The following EPHA3 variants were observed in gnomAD, a reference collection of about 807,000 sequenced individuals.
EPHA3 encodes the protein EPH receptor A3.
In EPHA3, 42 loss-of-function variants were observed where a neutral mutation model predicts 107.1. The observed-to-expected ratio is 0.39, with a 90% CI of 0.31 to 0.51. The LOEUF is 0.51. EPHA3 is among the 20% of genes least tolerant of loss of function. The pLI is 0.78. For synonymous variants in EPHA3, 461 were observed against 424.8 expected, an observed-to-expected ratio of 1.09 and a Z score of -1.05; for missense variants, 1,183 against 1,211.2, an observed-to-expected ratio of 0.98 and a Z score of 0.35.
At chr3:89,168,028 G>A (rs1367367211) in intron 2 of EPHA3, among the ~76,000 whole-genome samples, 1 of 152,028 alleles carries the variant, frequency 6.6e-6, no homozygotes, top group Non-Finnish European at 1.5e-5. Flanking sequence ...AAGTCACTAA[G>A]ACAAAGGTTT....
chr3:89,123,979 A>C (rs1704029403), intron 1 of EPHA3, among the ~76,000 whole-genome samples: 1 of 152,336 alleles, frequency 6.6e-6, no homozygotes, highest in South Asian at 2.1e-4. Context: ...CCATTAAAGA[A>C]TGAAGTCATG....
At chr3:89,179,825 G>T (rs1032899103) in intron 2 of EPHA3, among the ~76,000 whole-genome samples, 1 of 151,766 alleles carries the variant, frequency 6.6e-6, no homozygotes, top group Non-Finnish European at 1.5e-5. Flanking sequence ...GGTTTCATTT[G>T]TGCTTAGTGC....
chr3:89,185,996 T>G (rs1161026500), intron 2 of EPHA3, among the ~76,000 whole-genome samples: 2 of 152,014 alleles, frequency 1.3e-5, no homozygotes, highest in Admixed American at 1.3e-4. Flanking sequence ...TCTTCCTTCT[T>G]TTTACTTTCT....
chr3:89,425,232 C>A (rs1283119842), intron 11 of EPHA3, among the ~76,000 whole-genome samples: 1 of 150,350 alleles, frequency 6.7e-6, no homozygotes, highest in African/African-American at 2.5e-5. Context: ...CCTAACTCAG[C>A]TCAATATTTC....
intron 3 of EPHA3, among the ~76,000 whole-genome samples, chr3:89,317,464 G>A (rs1706935342): frequency 6.6e-6 from 1 of 151,764 alleles, no homozygotes; most frequent in Middle Eastern, 3.4e-3. Context: ...ATAAAGCAAA[G>A]TAGCAAAATA....
At chr3:89,320,984 T>C (rs1707029496) in intron 3 of EPHA3, among the ~76,000 whole-genome samples, 1 of 152,040 alleles carries the variant, frequency 6.6e-6, no homozygotes, top group Admixed American at 6.6e-5. Flanking sequence ...TGATGGGCTA[T>C]GTATATTTTA....
chr3:89,282,904 AG>A (rs1225904730), intron 3 of EPHA3, among the ~76,000 whole-genome samples: 1 of 152,108 alleles, frequency 6.6e-6, no homozygotes, highest in African/African-American at 2.4e-5. Flanking sequence ...GAATAATAGG[AG>A]CCACTGAAAG....
intron 5 of EPHA3, among the ~76,000 whole-genome samples, chr3:89,389,358 G>A (rs184162304): frequency 8.0e-4 from 122 of 152,278 alleles, no homozygotes; most frequent in Non-Finnish European, 1.5e-3. Context: ...TGCTTTTAAA[G>A]TCATGTCTGA....
chr3:89,200,131 A>T lies in EPHA3; in HGVS notation c.154-9729A>T, dbSNP rs560224597. ...CTATCTGTGTTATAACTGCATTATC[A>T]ATATAGAGCCTGATACACAATATTC... On this transcript the variant is annotated intron_variant, in intron 2 of 16. Transcript: ENST00000336596. Among the ~76,000 whole-genome samples, 55 of 152,320 alleles carry T rather than the reference A, an allele frequency of 3.6e-4. 1 individual carries two copies. The East Asian group carries it at 0.01, about 28-fold the overall frequency.
At chr3:89,291,474 G>A (rs542044170) in intron 3 of EPHA3, among the ~76,000 whole-genome samples, 43 of 152,020 alleles carry the variant, frequency 2.8e-4, no homozygotes, top group Non-Finnish European at 5.0e-4. Flanking sequence ...GATATATAGA[G>A]ATATAGATAA....
At chr3:89,143,026 AT>A (rs1294649269) in intron 2 of EPHA3, among the ~76,000 whole-genome samples, 1 of 151,226 alleles carries the variant, frequency 6.6e-6, no homozygotes, top group Non-Finnish European at 1.5e-5. Context: ...AAGAATCTAA[AT>A]ATTATTTATA....
At chr3:89,207,459 A>T (rs1458755477) in intron 2 of EPHA3, among the ~76,000 whole-genome samples, 2 of 152,226 alleles carry the variant, frequency 1.3e-5, no homozygotes, top group Non-Finnish European at 2.9e-5. Flanking sequence ...GCAAACCTGT[A>T]CATGGCCCAA....
At chr3:89,417,140 A>G (rs192136762) in intron 10 of EPHA3, among the ~76,000 whole-genome samples, 1 of 151,582 alleles carries the variant, frequency 6.6e-6, no homozygotes, top group East Asian at 1.9e-4. Flanking sequence ...AGTACTTAAC[A>G]TACATTAGTT....
At chr3:89,186,132 A>C (rs1376864788) in intron 2 of EPHA3, among the ~76,000 whole-genome samples, 1 of 151,672 alleles carries the variant, frequency 6.6e-6, no homozygotes, top group Non-Finnish European at 1.5e-5. Flanking sequence ...ATGAAACCTA[A>C]ATTATAGTCT....
chr3:89,467,375 G>C (rs1005861889), intron 15 of EPHA3, among the ~76,000 whole-genome samples: 1 of 152,126 alleles, frequency 6.6e-6, no homozygotes, highest in Non-Finnish European at 1.5e-5. Flanking sequence ...TAATGTTACA[G>C]TATGCATCTC....
intron 5 of EPHA3, among the ~76,000 whole-genome samples, chr3:89,392,680 G>A (rs1445612505): frequency 6.6e-6 from 1 of 151,882 alleles, no homozygotes; most frequent in Non-Finnish European, 1.5e-5. Flanking sequence ...AAATAAATCT[G>A]TCATACAGTG....
intron 3 of EPHA3, among the ~76,000 whole-genome samples, chr3:89,286,280 G>A (rs985651223): frequency 6.6e-6 from 1 of 151,590 alleles, no homozygotes; most frequent in African/African-American, 2.4e-5. Flanking sequence ...AGTAAGAGAA[G>A]TGAGGCAGAT....
chr3:89,388,142 T>C, intron 5 of EPHA3, among the ~76,000 whole-genome samples: 1 of 152,220 alleles, frequency 6.6e-6, no homozygotes, highest in East Asian at 1.9e-4. Context: ...TAAGCACATT[T>C]TCATTGCCAT....
intron 3 of EPHA3, among the ~76,000 whole-genome samples, chr3:89,330,055 A>G (rs994593972): frequency 2.4e-4 from 36 of 152,168 alleles, no homozygotes; most frequent in African/African-American, 8.7e-4. Flanking sequence ...GATTCTTTTA[A>G]GATATTTAAA....
Sources: gnomAD v4.1 joint callset for allele counts (sites outside exome capture counted in the v4.1 genomes callset) on GRCh38, gnomAD v4.1.1 for gene constraint, MANE v1.5 for transcripts, NCBI Gene and HGNC (gene_info 2026-07-23, HGNC 2026-07-21) for gene names.